The following PDZRN3 variants were observed in gnomAD, a reference collection of about 807,000 sequenced individuals.
The protein encoded by PDZRN3 is E3 ubiquitin-protein ligase PDZRN3.
A neutral mutation model predicts 85.7 loss-of-function variants in PDZRN3; 38 were observed. That is an observed-to-expected ratio of 0.44 (90% confidence interval 0.34 to 0.58). PDZRN3 has a LOEUF of 0.58. Ranked by LOEUF, PDZRN3 falls within the 20% of genes least tolerant of loss-of-function variation. The pLI is 0.01. For missense variants in PDZRN3, 1,629 were observed against 1,506.4 expected, an observed-to-expected ratio of 1.08 and a Z score of -1.35; for synonymous variants, 759 against 638.0, an observed-to-expected ratio of 1.19 and a Z score of -2.86.
intron 3 of PDZRN3, among the ~76,000 whole-genome samples, chr3:73,527,301 C>G (rs537809450): frequency 6.6e-6 from 1 of 152,110 alleles, no homozygotes; most frequent in Non-Finnish European, 1.5e-5. Flanking sequence ...TCCTATCCTC[C>G]GCATAGGATA....
At position 73,429,663 on chromosome 3, in the gene PDZRN3, A is replaced by G. The variant is rs1040388953; in HGVS notation, c.919-25268T>C. 2.8e-4 allele frequency among the ~76,000 whole-genome samples: 42 copies of G among 152,224 alleles called. 1 individual carries two copies. The highest frequency in any genetic ancestry group is 1.0e-3 in the African/African-American group (42 of 41,460). On this transcript the variant is annotated intron_variant, in intron 3 of 9. Coordinates refer to ENST00000263666, the MANE Select transcript of PDZRN3 (RefSeq NM_015009.3). ...TGTATCAGATCTATAGTTTTCTGGC[A>G]GGTCACAGTTAGTGGTAAAGTTTTT...
intron 3 of PDZRN3, among the ~76,000 whole-genome samples, chr3:73,581,757 GT>G (rs1488249675): frequency 6.6e-6 from 1 of 151,640 alleles, no homozygotes; most frequent in Non-Finnish European, 1.5e-5. Context: ...CAGAAAACAT[GT>G]TGGAAAATGA....
chr3:73,553,135 G>A (rs771286536), intron 3 of PDZRN3, among the ~76,000 whole-genome samples: 5 of 152,124 alleles, frequency 3.3e-5, no homozygotes, highest in Non-Finnish European at 7.4e-5. Flanking sequence ...CAAGGTAAGC[G>A]GACATGTCTT....
At chr3:73,561,465 G>T (rs1701812910) in intron 3 of PDZRN3, 1 of 152,218 alleles carries the variant, frequency 6.6e-6, no homozygotes, top group Admixed American at 6.5e-5. Context: ...GAAAGCTGGG[G>T]TGCCTCAGAA....
At chr3:73,552,763 A>G (rs1337388583) in intron 3 of PDZRN3, among the ~76,000 whole-genome samples, 2 of 152,240 alleles carry the variant, frequency 1.3e-5, no homozygotes, top group African/African-American at 4.8e-5. Flanking sequence ...ATTAATAAAC[A>G]CTGTTTAGGA....
In PDZRN3 at chr3:73,382,584, T is replaced by C. The variant is rs947329368; in HGVS notation, c.*781A>G. ...GAACTTGCCTGTATAAGTCTGTACC[T>C]TCAAATCTACAAAGCAAAAGTTTAC... On this transcript the variant is annotated 3_prime_UTR_variant, in exon 10 of 10. Coordinates refer to ENST00000263666, the MANE Select transcript of PDZRN3 (RefSeq NM_015009.3). The C allele has an allele frequency of 6.6e-6, 1 of 152,656 alleles. No homozygotes were observed. The highest frequency in any genetic ancestry group is 2.4e-5 in the African/African-American group (1 of 41,450). The allele number at this position is 152,656 out of a possible 1,614,324, so 9.5% of individuals were successfully genotyped here. A position where few individuals can be genotyped will look rare whatever the true frequency, so the allele number is the denominator to read the frequency against.
Position 73,608,589 on chromosome 3 carries a change from T to G in PDZRN3, c.810+9A>C, listed in dbSNP as rs1702637671. The G allele has an allele frequency of 6.3e-7, 1 of 1,583,776 alleles. No homozygotes were observed. The highest frequency in any genetic ancestry group is 1.7e-5 in the Admixed American group (1 of 59,864). Reference sequence around the variant, plus strand: ...GAAAAGGAAAAACACATTTTAGTAATTAACATACCACACTCGGCCGGCCAC... The same window carrying G: ...GAAAAGGAAAAACACATTTTAGTAAGTAACATACCACACTCGGCCGGCCAC... On this transcript the variant is annotated intron_variant, in intron 2 of 9. Transcript: ENST00000263666.
chr3:73,607,952 G>A (rs1702627300), intron 2 of PDZRN3, among the ~76,000 whole-genome samples: 1 of 152,190 alleles, frequency 6.6e-6, no homozygotes, highest in Admixed American at 6.5e-5. Flanking sequence ...GGTAAAGGAT[G>A]GGACATATTC....
chr3:73,436,812 C>G (rs1394894937), intron 3 of PDZRN3, among the ~76,000 whole-genome samples: 1 of 151,996 alleles, frequency 6.6e-6, no homozygotes, highest in Non-Finnish European at 1.5e-5. Flanking sequence ...CTTTGGGAGG[C>G]TGAGGTGGGC....
intron 3 of PDZRN3, among the ~76,000 whole-genome samples, chr3:73,485,157 TG>T (rs1703640368): frequency 6.6e-6 from 1 of 152,064 alleles, no homozygotes; most frequent in African/African-American, 2.4e-5. Flanking sequence ...CAAAAATAAT[TG>T]CGGTTTTGCC....
intron 2 of PDZRN3, among the ~76,000 whole-genome samples, chr3:73,603,405 T>C (rs993686488): frequency 3.9e-5 from 6 of 152,228 alleles, no homozygotes; most frequent in African/African-American, 1.4e-4. Context: ...CCCTCACAGC[T>C]TGTTCACGAA....
intron 2 of PDZRN3, among the ~76,000 whole-genome samples, chr3:73,605,423 G>A (rs1358762397): frequency 6.6e-6 from 1 of 152,148 alleles, no homozygotes; most frequent in Non-Finnish European, 1.5e-5. Flanking sequence ...CTTCCCAAAG[G>A]CTTAAGTGAG....
intron 8 of PDZRN3, among the ~76,000 whole-genome samples, chr3:73,386,048 A>G (rs1057288624): frequency 3.7e-4 from 56 of 151,802 alleles, no homozygotes; most frequent in African/African-American, 1.3e-3. Context: ...TCTTTCATCC[A>G]TCTCAGCTAC....
chr3:73,438,577 T>C (rs986922314), intron 3 of PDZRN3, among the ~76,000 whole-genome samples: 1 of 152,198 alleles, frequency 6.6e-6, no homozygotes, highest in African/African-American at 2.4e-5. Context: ...TGGCATCCCT[T>C]TGTTAGGCAC....
At chr3:73,404,712 G>A (rs1027620809) in intron 3 of PDZRN3, 9 of 325,056 alleles carry the variant, frequency 2.8e-5, no homozygotes, top group Non-Finnish European at 5.1e-5. Context: ...CTCAGGCTCC[G>A]AGCCTTTATC....
intron 3 of PDZRN3, among the ~76,000 whole-genome samples, chr3:73,563,193 T>C: frequency 6.7e-6 from 1 of 148,466 alleles, no homozygotes; most frequent in South Asian, 2.2e-4. Context: ...TATTTTTTTT[T>C]TGTTGTTGTT....
chr3:73,404,065 AT>A, intron 4 of PDZRN3, 82 bp downstream of exon 4: 3 of 1,386,948 alleles, frequency 2.2e-6, no homozygotes, highest in Non-Finnish European at 2.0e-6. Context: ...GGGTGCATTA[AT>A]TTTTTTCACC....
chr3:73,499,308 C>G (rs1703929822), intron 3 of PDZRN3, among the ~76,000 whole-genome samples: 1 of 152,148 alleles, frequency 6.6e-6, no homozygotes, highest in Non-Finnish European at 1.5e-5. Context: ...AGGGAGCATC[C>G]ATGACCAAAT....
At chr3:73,468,968 T>C (rs534015323) in intron 3 of PDZRN3, among the ~76,000 whole-genome samples, 1 of 152,292 alleles carries the variant, frequency 6.6e-6, no homozygotes, top group South Asian at 2.1e-4. Flanking sequence ...ACCTAATAGG[T>C]GTTCAAGTAA....
Sources: gnomAD v4.1 joint callset for allele counts (sites outside exome capture counted in the v4.1 genomes callset) on GRCh38, gnomAD v4.1.1 for gene constraint, MANE v1.5 for transcripts, NCBI Gene and HGNC (gene_info 2026-07-23, HGNC 2026-07-21) for gene names.